CRYBG3: variants seen among roughly 807,000 people sequenced by gnomAD.
The protein encoded by CRYBG3 is crystallin beta-gamma domain containing 3, also known as very large A-kinase anchor protein.
CRYBG3 carries 127 observed loss-of-function variants against 244.2 expected under a neutral mutation model. That is an observed-to-expected ratio of 0.52 (90% confidence interval 0.45 to 0.60). CRYBG3 has a LOEUF of 0.60. Ranked by LOEUF, CRYBG3 falls within the 20% of genes least tolerant of loss-of-function variation. CRYBG3 has a pLI of 0.00. For missense variants in CRYBG3, 3,325 were observed against 3,442.5 expected (o/e 0.97, Z 0.85); for synonymous variants, 1,132 against 1,195.8 (o/e 0.95, Z 1.10).
At chr3:97,913,539 G>T (rs1242722871) in intron 16 of CRYBG3, among the ~76,000 whole-genome samples, 1 of 152,162 alleles carries the variant, frequency 6.6e-6, no homozygotes, top group South Asian at 2.1e-4. Context: ...AATTTTAATT[G>T]TATGTAACAT....
At chr3:97,941,529 A>G (rs1180839936) in intron 20 of CRYBG3, among the ~76,000 whole-genome samples, 1 of 152,004 alleles carries the variant, frequency 6.6e-6, no homozygotes, top group African/African-American at 2.4e-5. Flanking sequence ...CACAAAGGTT[A>G]TCACATATTA....
chr3:97,822,872 T>A (rs892132607), intron 1 of CRYBG3, among the ~76,000 whole-genome samples: 1 of 152,240 alleles, frequency 6.6e-6, no homozygotes, highest in Non-Finnish European at 1.5e-5. Flanking sequence ...TCAGCTGGTA[T>A]TTTTGCCATC....
chr3:97,942,473 T>A, intron 21 of CRYBG3, 30 bp downstream of exon 21: 1 of 1,565,418 alleles, frequency 6.4e-7, no homozygotes, highest in Non-Finnish European at 8.7e-7. Flanking sequence ...CAATGTTGTG[T>A]CCCTGGATAT....
At chr3:97,915,565 C>G (rs374126017) in intron 16 of CRYBG3, 45 bp from the exon 17 acceptor site, 1 of 1,578,004 alleles carries the variant, frequency 6.3e-7, no homozygotes, top group Non-Finnish European at 8.7e-7. Context: ...CCTATACTGC[C>G]AAGTGAATGC....
At chr3:97,869,871 T>C (rs572579664) in intron 3 of CRYBG3, among the ~76,000 whole-genome samples, 1 of 152,290 alleles carries the variant, frequency 6.6e-6, no homozygotes, top group East Asian at 1.9e-4. Context: ...ATTTAAGAAG[T>C]ATTTAAGAGA....
At position 97,872,581 on chromosome 3, in the gene CRYBG3, A is replaced by G. The variant is rs2039318286; in HGVS notation, c.1387A>G (p.Arg463Gly). ...TTTGCCAAGTCCAAATAAATCAATT[A>G]GGCATGAACATCTGCAGTTGCCAGA... is the stretch of plus-strand genomic sequence containing the variant. Reference protein sequence around the residue: ...TNLPSPNKSIRHEHLQLPESE... With the variant: ...TNLPSPNKSIGHEHLQLPESE... The change falls in exon 4 of 22, where the codon AGG (arginine) becomes GGG (glycine). Residue 463 changes from arginine to glycine, a missense_variant. Physicochemically the swap from Arg to Gly is moderately radical, Grantham distance 125. Coordinates refer to ENST00000389622, the MANE Select transcript of CRYBG3 (RefSeq NM_153605.4). 1.3e-6 allele frequency: 2 copies of G among 1,536,002 alleles called. No individual in the cohort carries two copies. The highest frequency in any genetic ancestry group is 2.4e-5 in the South Asian group (2 of 84,052).
At chr3:97,837,716 G>A (rs538289623) in intron 1 of CRYBG3, among the ~76,000 whole-genome samples, 1 of 152,172 alleles carries the variant, frequency 6.6e-6, no homozygotes, top group Non-Finnish European at 1.5e-5. Context: ...TCATATTTGG[G>A]GGTACTCTGA....
Position 97,845,705 on chromosome 3 carries a change from TG to T in CRYBG3, c.216+2446del, listed in dbSNP as rs200251184. On this transcript the variant is annotated intron_variant, in intron 2 of 21. Transcript: ENST00000389622. ...TTGACTACAACATGTGCAGTGGTAT[TG>T]GTGTCCTTACTTTACTGCCTTTCCT... 1.9e-3 allele frequency among the ~76,000 whole-genome samples: 282 copies of T among 152,368 alleles called. 7 individuals are homozygous for T. The highest frequency in any genetic ancestry group is 0.014 in the East Asian group (72 of 5,186).
chr3:97,873,653 G>T lies in CRYBG3; in HGVS notation c.2459G>T (p.Gly820Val). The T allele has an allele frequency of 2.0e-6, 3 of 1,535,258 alleles. No individual in the cohort carries two copies. Among genetic ancestry groups the T allele is most frequent in the Non-Finnish European group, 2.6e-6 (3 of 1,146,596 alleles). Reference sequence around the variant, plus strand: ...ATTGTATCAAAAGCTGAAATTGATGGTCAGAACAATGTTCTTGTGGAGTCA... The same window carrying T: ...ATTGTATCAAAAGCTGAAATTGATGTTCAGAACAATGTTCTTGTGGAGTCA... ...ANIVSKAEID[G>V]QNNVLVESHS... The change falls in exon 4 of 22, where the codon GGT becomes GTT. Residue 820 changes from glycine to valine, a missense_variant. Physicochemically the swap from Gly to Val is moderately radical, Grantham distance 109. This residue lies in a region of CRYBG3 where 1,526 missense variants were observed against 1,443.2 expected (regional missense o/e 1.06). Transcript: ENST00000389622.
At chr3:97,887,727 G>A (rs553385204) in intron 8 of CRYBG3, among the ~76,000 whole-genome samples, 2 of 152,276 alleles carry the variant, frequency 1.3e-5, no homozygotes, top group South Asian at 2.1e-4. Context: ...TTGCACTCCA[G>A]CCTGGGCAAC....
chr3:97,850,591 C>A (rs1464061930), intron 2 of CRYBG3, among the ~76,000 whole-genome samples: 1 of 152,194 alleles, frequency 6.6e-6, no homozygotes, highest in African/African-American at 2.4e-5. Context: ...CTATAACCAG[C>A]TGCATTAAGG....
chr3:97,935,649 C>A (rs1482306461), intron 18 of CRYBG3, among the ~76,000 whole-genome samples: 1 of 151,984 alleles, frequency 6.6e-6, no homozygotes, highest in Non-Finnish European at 1.5e-5. Context: ...GAATATTGCA[C>A]TTTGTGAATT....
intron 15 of CRYBG3, among the ~76,000 whole-genome samples, chr3:97,902,670 A>G (rs1167893508): frequency 1.3e-5 from 2 of 151,970 alleles, no homozygotes; most frequent in Non-Finnish European, 2.9e-5. Context: ...TATGTTCTCA[A>G]TGTTCAACTC....
At chr3:97,828,567 C>G (rs972508921) in intron 1 of CRYBG3, among the ~76,000 whole-genome samples, 9 of 150,498 alleles carry the variant, frequency 6.0e-5, no homozygotes, top group Admixed American at 5.9e-4. Context: ...TGGCTCATGC[C>G]TGTAATCCCA....
chr3:97,863,148 C>T (rs1204339417), intron 2 of CRYBG3, among the ~76,000 whole-genome samples: 1 of 152,000 alleles, frequency 6.6e-6, no homozygotes, highest in African/African-American at 2.4e-5. Flanking sequence ...CCTTGGTGTC[C>T]TGATTGTTTT....
rs577479877 is a variant in CRYBG3, at chr3:97,900,369, T to A, written c.7972-84T>A. The A allele has an allele frequency of 6.8e-5, 59 of 872,070 alleles. No homozygotes were observed. The Middle Eastern group carries it at 1.0e-3, about 15-fold the overall frequency. 54.0% of individuals were successfully genotyped at this position (872,070 alleles called of 1,614,324 possible). ...TCTCAAAAAAGAAAAGAAAAAAAAA[T>A]TTTTTTCAAAGGGTATTTTCAAAAC... On this transcript the variant is annotated intron_variant, in intron 14 of 21. Transcript: ENST00000389622.
At chr3:97,891,634 G>A (rs2039577118) in intron 10 of CRYBG3, among the ~76,000 whole-genome samples, 1 of 152,098 alleles carries the variant, frequency 6.6e-6, no homozygotes, top group Non-Finnish European at 1.5e-5. Context: ...TGTCAATGCA[G>A]TCTTTTTTAT....
chr3:97,886,698 A>G lies in CRYBG3; in HGVS notation c.7220A>G (p.Gln2407Arg), dbSNP rs1484895541. ...SDPACCPVYI[Q>R]RAVPNLEELN... is the part of the protein sequence containing the mutation. ...CCAGCCTGTTGTCCTGTCTACATAC[A>G]GAGAGCAGTCCCCAATTTGGAAGAA... Residue 2407 changes from glutamine (Q) to arginine (R), a missense_variant, in exon 8 of 22, where the codon CAG becomes CGG. Transcript: ENST00000389622. The G allele has an allele frequency of 2.5e-6, 4 of 1,612,984 alleles. No individual in the cohort carries two copies. Among genetic ancestry groups the G allele is most frequent in the Non-Finnish European group, 3.4e-6 (4 of 1,179,480 alleles).
intron 1 of CRYBG3, among the ~76,000 whole-genome samples, chr3:97,842,395 T>A (rs2038832655): frequency 6.6e-6 from 1 of 151,918 alleles, no homozygotes; most frequent in African/African-American, 2.4e-5. Context: ...GAGACCCCCA[T>A]CTCTACAAAA....
Sources: allele counts gnomAD v4.1 joint callset (sites outside exome capture counted in the v4.1 genomes callset), GRCh38; gene constraint gnomAD v4.1.1; regional missense constraint gnomAD v4.1.1; transcripts MANE v1.5; gene names NCBI Gene and HGNC (gene_info 2026-07-23, HGNC 2026-07-21).